MYH9: variants seen among roughly 807,000 people sequenced by gnomAD.
MYH9 encodes the protein myosin heavy chain 9.
In MYH9, 29 loss-of-function variants were observed where a neutral mutation model predicts 241.9. The ratio of observed to expected loss-of-function variants is 0.12; its 90% confidence interval spans 0.09 to 0.16. The LOEUF (loss-of-function observed/expected upper bound fraction) is 0.16. MYH9 is among the 10% of genes least tolerant of loss of function. The probability of loss-of-function intolerance (pLI) is 1.00; values close to 1 mark genes in which losing one functional copy is unlikely to be tolerated. For missense variants in MYH9, 1,803 were observed against 2,595.5 expected (o/e 0.69, Z 6.63); for synonymous variants, 1,047 against 1,062.6 (o/e 0.99, Z 0.29).
At chr22:36,365,717 T>G (rs1351670149) in intron 1 of MYH9, among the ~76,000 whole-genome samples, 1 of 152,176 alleles carries the variant, frequency 6.6e-6, no homozygotes, top group Non-Finnish European at 1.5e-5. Flanking sequence ...CACCTCAGCC[T>G]TCCAAAGTGC....
At chr22:36,287,921 T>A (rs1193295268) in intron 34 of MYH9, among the ~76,000 whole-genome samples, 1 of 152,228 alleles carries the variant, frequency 6.6e-6, no homozygotes, top group Non-Finnish European at 1.5e-5. Flanking sequence ...CCCAGAAGGC[T>A]GAAGGGTGTC....
intron 1 of MYH9, among the ~76,000 whole-genome samples, chr22:36,370,348 C>G (rs896682952): frequency 6.6e-6 from 1 of 152,178 alleles, no homozygotes; most frequent in African/African-American, 2.4e-5. Flanking sequence ...TCTGTGCCAC[C>G]CACATTCTAG....
intron 20 of MYH9, chr22:36,302,232 C>T: frequency 3.6e-6 from 1 of 276,920 alleles, no homozygotes; most frequent in Non-Finnish European, 7.1e-6. Flanking sequence ...GGTTTTTCGC[C>T]ATTACCATAA....
Position 36,295,215 on chromosome 22 carries a change from G to C in MYH9, c.3486-139C>G. ...CTTTTCTACCCACCGGCCCCTCCTA[G>C]CCATCTATCCCATAGCCCAGGCTCA... On this transcript the variant is annotated intron_variant, in intron 26 of 40. Transcript: ENST00000216181. The surrounding 1 kb of genome is among the most constrained non-coding windows in gnomAD (Gnocchi z 4.1). 8.5e-7 allele frequency: 1 copy of C among 1,173,438 alleles called. No individual in the cohort carries two copies. Among genetic ancestry groups the C allele is most frequent in the Non-Finnish European group, 1.3e-6 (1 of 796,632 alleles). 72.7% of individuals were successfully genotyped at this position (1,173,438 alleles called of 1,614,324 possible).
intron 1 of MYH9, among the ~76,000 whole-genome samples, chr22:36,368,461 G>A (rs919176691): frequency 5.3e-5 from 8 of 152,098 alleles, no homozygotes; most frequent in South Asian, 2.1e-4. Flanking sequence ...ATGAGACAGC[G>A]AATGCACACA....
chr22:36,291,535 C>T (rs1361795021), intron 31 of MYH9, among the ~76,000 whole-genome samples: 3 of 152,052 alleles, frequency 2.0e-5, no homozygotes, highest in Admixed American at 1.3e-4. Flanking sequence ...GGGACACAAA[C>T]ACTGCGGAAG....
intron 23 of MYH9, among the ~76,000 whole-genome samples, chr22:36,299,533 G>A (rs1033603586): frequency 3.9e-5 from 6 of 152,242 alleles, no homozygotes; most frequent in South Asian, 2.1e-4. Context: ...GCCACAGCTC[G>A]GCACAAGCAC....
chr22:36,352,490 A>G (rs569935515), intron 1 of MYH9, among the ~76,000 whole-genome samples: 43 of 152,298 alleles, frequency 2.8e-4, no homozygotes, highest in African/African-American at 9.9e-4. Flanking sequence ...TCGGCAGCCC[A>G]TGGGCACCCT....
intron 31 of MYH9, among the ~76,000 whole-genome samples, chr22:36,290,141 C>A (rs974384881): frequency 6.6e-6 from 1 of 152,060 alleles, no homozygotes; most frequent in African/African-American, 2.4e-5. Context: ...AAAAGACAGT[C>A]AAACCGCAGG....
chr22:36,356,351 C>T (rs1009338732), intron 1 of MYH9, among the ~76,000 whole-genome samples: 2 of 151,852 alleles, frequency 1.3e-5, no homozygotes, highest in African/African-American at 2.4e-5. Flanking sequence ...GAGGCTGAGG[C>T]GAGTGGATCA....
At position 36,293,895 on chromosome 22, in the gene MYH9, G is replaced by A. The variant is rs1376817702; in HGVS notation, c.3838-32C>T. 1.3e-6 allele frequency: 2 copies of A among 1,589,548 alleles called. No individual in the cohort carries two copies. Among genetic ancestry groups the A allele is most frequent in the South Asian group, 1.1e-5 (1 of 89,614 alleles). ...CGGGCGGGGAGACACAAAGGACCAT[G>A]GACCCACCCCCACTGCTCCTGCCCC... On this transcript the variant is annotated intron_variant, in intron 28 of 40. Coordinates refer to ENST00000216181, the MANE Select transcript of MYH9 (RefSeq NM_002473.6). This position sits in a 1 kb window ranked among gnomAD's most constrained non-coding sequence, Gnocchi z 5.1.
At position 36,300,994 on chromosome 22, in the gene MYH9, C is replaced by T; in HGVS notation, c.2695G>A (p.Ala899Thr). 6.2e-7 allele frequency: 1 copy of T among 1,611,930 alleles called. No individual in the cohort carries two copies. The highest frequency in any genetic ancestry group is 1.1e-5 in the South Asian group (1 of 91,086). ...LQAETELCAE[A>T]EELRARLTAK... The stretch of plus-strand genomic sequence containing the variant: ...GTCAGGCGGGCCCGGAGCTCCTCAG[C>T]CTCGGCACACAGCTCGGTTTCTGCC... The change falls in exon 22 of 41, where the codon GCT (alanine) becomes ACT (threonine). Residue 899 changes from alanine (A) to threonine (T), a missense_variant. Coordinates refer to ENST00000216181, the MANE Select transcript of MYH9 (RefSeq NM_002473.6). The surrounding 1 kb of genome is among the most constrained non-coding windows in gnomAD (Gnocchi z 5.0).
chr22:36,325,603 C>A (rs1052242445), intron 5 of MYH9, among the ~76,000 whole-genome samples: 2 of 152,236 alleles, frequency 1.3e-5, no homozygotes, highest in African/African-American at 4.8e-5. Flanking sequence ...ACTGGCACGG[C>A]GGTGGCAGGT....
intron 5 of MYH9, among the ~76,000 whole-genome samples, chr22:36,322,755 A>G (rs2017275242): frequency 6.6e-6 from 1 of 152,226 alleles, no homozygotes; most frequent in Non-Finnish European, 1.5e-5. Flanking sequence ...ACTTACTTCC[A>G]TGGCCCTGGA....
intron 1 of MYH9, among the ~76,000 whole-genome samples, chr22:36,369,410 A>G (rs2018058539): frequency 6.6e-6 from 1 of 152,222 alleles, no homozygotes; most frequent in South Asian, 2.1e-4. Flanking sequence ...AAAGGCAGGA[A>G]ACAGTGGGCG....
chr22:36,297,157 C>A (rs955789227), intron 24 of MYH9, 143 bp from the exon 25 acceptor site: 4 of 898,410 alleles, frequency 4.5e-6, no homozygotes, highest in Non-Finnish European at 6.9e-6. Flanking sequence ...TCGCACCCAA[C>A]TCCTGGATGC....
At chr22:36,341,053 G>A (rs1247436979) in intron 3 of MYH9, among the ~76,000 whole-genome samples, 1 of 152,114 alleles carries the variant, frequency 6.6e-6, no homozygotes, top group Non-Finnish European at 1.5e-5. Context: ...GGGAAGGGAA[G>A]AACAGGAAGA....
intron 10 of MYH9, 129 bp from the exon 11 acceptor site, chr22:36,318,454 G>C (rs1487516383): frequency 5.0e-6 from 4 of 799,836 alleles, no homozygotes; most frequent in Non-Finnish European, 8.8e-6. Flanking sequence ...AAAGCCACGG[G>C]GTGAATGAGC....
At chr22:36,346,529 T>C (rs1329843417) in intron 2 of MYH9, among the ~76,000 whole-genome samples, 2 of 152,214 alleles carry the variant, frequency 1.3e-5, no homozygotes, top group East Asian at 1.9e-4. Flanking sequence ...TTATTACATA[T>C]GTGACCATGA....
Sources: allele counts gnomAD v4.1 joint callset (sites outside exome capture counted in the v4.1 genomes callset), GRCh38; gene constraint gnomAD v4.1.1; non-coding constraint Gnocchi (gnomAD v3.1); transcripts MANE v1.5; gene names NCBI Gene and HGNC (gene_info 2026-07-23, HGNC 2026-07-21).